LINGO2: variants seen among roughly 807,000 people sequenced by gnomAD.
LINGO2 encodes the protein leucine rich repeat and Ig domain containing 2, also known as leucine-rich repeat and immunoglobulin-like domain-containing nogo receptor-interacting protein 2.
LINGO2 carries 14 observed loss-of-function variants against 30.6 expected under a neutral mutation model. The ratio of observed to expected loss-of-function variants is 0.46; its 90% CI spans 0.30 to 0.72. LINGO2 has a LOEUF of 0.72. Ranked by LOEUF, LINGO2 falls within the 30% of genes least tolerant of loss-of-function variation. The pLI, the probability that LINGO2 is intolerant of heterozygous loss-of-function variation, is 0.07. For missense variants in LINGO2, 729 were observed against 751.7 expected (o/e 0.97, Z 0.35); for synonymous variants, 317 against 288.5 (o/e 1.10, Z -1.00).
At chr9:28,874,140 G>A in the LINGO2 span, among the ~76,000 whole-genome samples, 4 of 151,936 alleles carry the variant, frequency 2.6e-5, no homozygotes, top group Non-Finnish European at 4.4e-5. Context: ...TTAAAATAGA[G>A]AATATTCTAG....
intron 2 of LINGO2, among the ~76,000 whole-genome samples, chr9:28,453,720 T>C (rs998552958): frequency 1.3e-5 from 2 of 152,022 alleles, no homozygotes; most frequent in Non-Finnish European, 2.9e-5. Flanking sequence ...GAGCCCTTTA[T>C]TTCATTGATG....
At chr9:28,520,473 T>A (rs564002595) in intron 1 of LINGO2, among the ~76,000 whole-genome samples, 3 of 152,310 alleles carry the variant, frequency 2.0e-5, no homozygotes, top group African/African-American at 7.2e-5. Context: ...CTCATTACTC[T>A]ATTTGTCCTT....
chr9:28,456,239 C>T (rs1824841936), intron 2 of LINGO2, among the ~76,000 whole-genome samples: 1 of 152,132 alleles, frequency 6.6e-6, no homozygotes, highest in South Asian at 2.1e-4. Context: ...GAAGTCAATG[C>T]TGGTTAGTAC....
intron 1 of LINGO2, among the ~76,000 whole-genome samples, chr9:28,479,310 A>C (rs954149714): frequency 9.9e-5 from 15 of 151,946 alleles, no homozygotes; most frequent in African/African-American, 3.6e-4. Context: ...TTAAAGAATC[A>C]TATCTCTGCT....
At chr9:28,215,953 G>A (rs888711641) in intron 4 of LINGO2, among the ~76,000 whole-genome samples, 1 of 151,754 alleles carries the variant, frequency 6.6e-6, no homozygotes, top group African/African-American at 2.4e-5. Context: ...TCAGAGAAAT[G>A]TGCTCAATGG....
intron 4 of LINGO2, among the ~76,000 whole-genome samples, chr9:28,231,362 C>T (rs10114282): frequency 0.56 from 85,692 of 151,704 alleles, 25,161 homozygotes; most frequent in African/African-American, 0.74. Context: ...TAAACTTTTA[C>T]TTTTAGAAAA....
At chr9:29,092,787 C>CA in the LINGO2 span, among the ~76,000 whole-genome samples, 6 of 136,372 alleles carry the variant, frequency 4.4e-5, no homozygotes, top group Admixed American at 2.3e-4. Flanking sequence ...ACAGGCAGAT[C>CA]AAAAATATCT....
chr9:28,603,673 A>C (rs1825585833), intron 1 of LINGO2, among the ~76,000 whole-genome samples: 1 of 152,078 alleles, frequency 6.6e-6, no homozygotes, highest in African/African-American at 2.4e-5. Flanking sequence ...TCACATTAAG[A>C]ATAAAATTGT....
chr9:28,820,777 G>A, the LINGO2 span, among the ~76,000 whole-genome samples: 1 of 152,198 alleles, frequency 6.6e-6, no homozygotes. Flanking sequence ...TAGAAACAGT[G>A]GGGGTTTTGG....
chr9:29,072,992 C>T, the LINGO2 span, among the ~76,000 whole-genome samples: 2 of 150,654 alleles, frequency 1.3e-5, no homozygotes, highest in Non-Finnish European at 3.0e-5. Flanking sequence ...CTCCTCCTAT[C>T]TCCCATGGGC....
chr9:29,108,868 T>C, the LINGO2 span, among the ~76,000 whole-genome samples: 1 of 152,198 alleles, frequency 6.6e-6, no homozygotes, highest in Non-Finnish European at 1.5e-5. Flanking sequence ...AAATGTGTGA[T>C]TGCAAAGTCT....
chr9:28,639,465 G>A (rs1563884628), intron 1 of LINGO2, among the ~76,000 whole-genome samples: 1 of 149,290 alleles, frequency 6.7e-6, no homozygotes, highest in South Asian at 2.1e-4. Context: ...AAGTCTCTTT[G>A]TAGGTCTCTA....
At chr9:28,860,405 C>T in the LINGO2 span, among the ~76,000 whole-genome samples, 3 of 151,986 alleles carry the variant, frequency 2.0e-5, no homozygotes, top group South Asian at 6.2e-4. Context: ...CTGACCTTCC[C>T]CATGCTTGAA....
At chr9:29,150,557 C>T in the LINGO2 span, among the ~76,000 whole-genome samples, 2 of 152,040 alleles carry the variant, frequency 1.3e-5, no homozygotes, top group African/African-American at 4.8e-5. Flanking sequence ...ATGAAATAGC[C>T]ATTTTAAGAA....
At chr9:28,915,904 T>G in the LINGO2 span, among the ~76,000 whole-genome samples, 2 of 152,196 alleles carry the variant, frequency 1.3e-5, no homozygotes, top group African/African-American at 2.4e-5. Flanking sequence ...TGTCTCAAGA[T>G]ATCCTGTAAA....
At chr9:28,486,504 T>C (rs962001478) in intron 1 of LINGO2, among the ~76,000 whole-genome samples, 8 of 152,172 alleles carry the variant, frequency 5.3e-5, no homozygotes, top group African/African-American at 1.9e-4. Flanking sequence ...GTGCCTTATA[T>C]TTTCCAAAGA....
intron 1 of LINGO2, among the ~76,000 whole-genome samples, chr9:28,510,682 ATG>A (rs55645356): frequency 0.2 from 30,587 of 150,206 alleles, 3,224 homozygotes; most frequent in East Asian, 0.33. Context: ...CTGTATATAT[ATG>A]TGTGTGTGTG....
the LINGO2 span, among the ~76,000 whole-genome samples, chr9:28,810,620 T>C: frequency 2.0e-5 from 3 of 151,952 alleles, no homozygotes; most frequent in African/African-American, 7.2e-5. Context: ...TATATTTGAA[T>C]AAAAAAAGAT....
the LINGO2 span, among the ~76,000 whole-genome samples, chr9:29,019,383 G>A: frequency 6.6e-6 from 1 of 152,180 alleles, no homozygotes; most frequent in Admixed American, 6.6e-5. Flanking sequence ...GGAGACTAGT[G>A]TAGGCATTAC....
Sources: gnomAD v4.1 joint callset for allele counts (sites outside exome capture counted in the v4.1 genomes callset) on GRCh38, gnomAD v4.1.1 for gene constraint, MANE v1.5 for transcripts, NCBI Gene and HGNC (gene_info 2026-07-23, HGNC 2026-07-21) for gene names.